Variants in DPP6 observed in about 807,000 individuals in gnomAD.
The protein encoded by DPP6 is A-type potassium channel modulatory protein DPP6.
A neutral mutation model predicts 122.6 loss-of-function variants in DPP6; 69 were observed. The ratio of observed to expected loss-of-function variants is 0.56; its 90% CI spans 0.46 to 0.69. The LOEUF (loss-of-function observed/expected upper bound fraction) is 0.69, where lower values mean the gene tolerates loss of function less well. Ranked by LOEUF, DPP6 falls within the 30% of genes least tolerant of loss-of-function variation. The pLI is 0.00. For missense variants in DPP6, 928 were observed against 1,116.9 expected, an observed-to-expected ratio of 0.83 and a Z score of 2.41; for synonymous variants, 418 against 433.1, an observed-to-expected ratio of 0.97 and a Z score of 0.43.
intron 10 of DPP6, among the ~76,000 whole-genome samples, chr7:154,785,136 G>C (rs1024840845): frequency 3.3e-5 from 5 of 152,072 alleles, no homozygotes; most frequent in Admixed American, 3.3e-4. Flanking sequence ...TATTGTTGTT[G>C]TTAAGTTTTA....
Position 154,403,478 on chromosome 7 carries a change from C to G in DPP6, c.244-42736C>G, listed in dbSNP as rs549537829. Among the ~76,000 whole-genome samples the G allele has an allele frequency of 2.0e-5, 3 of 152,162 alleles. No individual in the cohort carries two copies. The highest frequency in any genetic ancestry group is 7.2e-5 in the African/African-American group (3 of 41,438). Reference sequence around the variant, plus strand: ...GGGGGCAGCCATGCATGAAGACAGGCTGGGGGGCGCTAATGCAGCTTTCTC... The same window carrying G: ...GGGGGCAGCCATGCATGAAGACAGGGTGGGGGGCGCTAATGCAGCTTTCTC... On this transcript the variant is annotated intron_variant, in intron 1 of 25. Coordinates refer to ENST00000377770, the MANE Select transcript of DPP6 (RefSeq NM_130797.4). This position sits in a 1 kb window ranked among gnomAD's most constrained non-coding sequence, Gnocchi z 4.1.
chr7:154,079,132 C>T (rs1457579264), intron 1 of DPP6, among the ~76,000 whole-genome samples: 1 of 151,886 alleles, frequency 6.6e-6, no homozygotes, highest in Non-Finnish European at 1.5e-5. Context: ...TGGTGCATGC[C>T]CACAGTGAGC....
chr7:154,290,915 G>A (rs1284961906), intron 1 of DPP6, among the ~76,000 whole-genome samples: 2 of 152,114 alleles, frequency 1.3e-5, no homozygotes, highest in African/African-American at 2.4e-5. Flanking sequence ...CTTCCCCAGT[G>A]TCTAAATAGG....
intron 3 of DPP6, among the ~76,000 whole-genome samples, chr7:154,528,551 T>C (rs969722705): frequency 1.4e-4 from 21 of 152,212 alleles, no homozygotes; most frequent in Non-Finnish European, 2.9e-4. Context: ...ATTGGCTCAA[T>C]TCCTCATACA....
chr7:154,564,351 G>T (rs1830607189), intron 4 of DPP6, among the ~76,000 whole-genome samples: 1 of 152,144 alleles, frequency 6.6e-6, no homozygotes, highest in South Asian at 2.1e-4. Flanking sequence ...AACGTGGATA[G>T]TAAGGATCAA....
chr7:154,030,368 G>C (rs1234475421), intron 1 of DPP6, among the ~76,000 whole-genome samples: 2 of 152,178 alleles, frequency 1.3e-5, no homozygotes, highest in African/African-American at 4.8e-5. Flanking sequence ...GGCTTCTGTG[G>C]GGTGGTGAGG....
At chr7:153,753,675 T>C in the DPP6 span, among the ~76,000 whole-genome samples, 1,118 of 151,846 alleles carry the variant, frequency 7.4e-3, 9 homozygotes, top group African/African-American at 0.026. Flanking sequence ...TATTAGTCCA[T>C]GAACCTCAAC....
At chr7:154,786,406 T>C (rs950558191) in intron 10 of DPP6, among the ~76,000 whole-genome samples, 1 of 152,172 alleles carries the variant, frequency 6.6e-6, no homozygotes, top group Non-Finnish European at 1.5e-5. Flanking sequence ...GTTTCCATAA[T>C]CCCCAAGTGT....
At chr7:154,513,472 CAAG>C (rs1179738359) in intron 3 of DPP6, among the ~76,000 whole-genome samples, 2 of 152,150 alleles carry the variant, frequency 1.3e-5, no homozygotes, top group East Asian at 1.9e-4. Flanking sequence ...TTGAGACTAA[CAAG>C]AAGATTTTGG....
chr7:154,266,565 C>A (rs535652052), intron 1 of DPP6, among the ~76,000 whole-genome samples: 1 of 152,122 alleles, frequency 6.6e-6, no homozygotes, highest in African/African-American at 2.4e-5. Context: ...GGTGACAGAG[C>A]GAGATTCTGT....
chr7:153,899,332 C>A (rs370349128), intron 1 of DPP6, among the ~76,000 whole-genome samples: 1 of 152,242 alleles, frequency 6.6e-6, no homozygotes, highest in African/African-American at 2.4e-5. Flanking sequence ...GCTCCCAGGA[C>A]AGTTTGGTCG....
At chr7:154,389,201 T>C (rs1426443264) in intron 1 of DPP6, among the ~76,000 whole-genome samples, 1 of 152,150 alleles carries the variant, frequency 6.6e-6, no homozygotes, top group African/African-American at 2.4e-5. Flanking sequence ...CCAGAGCACC[T>C]GGGAGGAAAG....
At chr7:154,791,088 C>T (rs889058467) in intron 10 of DPP6, among the ~76,000 whole-genome samples, 3 of 151,964 alleles carry the variant, frequency 2.0e-5, no homozygotes, top group Admixed American at 2.0e-4. Flanking sequence ...CCCATCTCTA[C>T]TAAAAACACA....
At chr7:154,275,312 C>G (rs1400165657) in intron 1 of DPP6, among the ~76,000 whole-genome samples, 4 of 152,186 alleles carry the variant, frequency 2.6e-5, no homozygotes, top group Non-Finnish European at 5.9e-5. Context: ...TCTGTGTCCC[C>G]TCCCCATGGG....
chr7:153,888,214 C>A (rs1004746371), intron 1 of DPP6, among the ~76,000 whole-genome samples: 3 of 152,204 alleles, frequency 2.0e-5, no homozygotes, highest in African/African-American at 7.2e-5. Context: ...GCTCTCGGGG[C>A]AGGCGCCAGT....
intron 1 of DPP6, among the ~76,000 whole-genome samples, chr7:154,361,176 G>A (rs141705292): frequency 1.7e-3 from 253 of 152,354 alleles, no homozygotes; most frequent in Middle Eastern, 6.8e-3. Flanking sequence ...TGGCCTATGA[G>A]AAGATCTGAG....
intron 4 of DPP6, among the ~76,000 whole-genome samples, chr7:154,544,634 C>T (rs968584281): frequency 4.6e-5 from 7 of 152,208 alleles, no homozygotes; most frequent in Admixed American, 1.3e-4. Flanking sequence ...TTCAGGTCTA[C>T]CTTCCAGCCT....
intron 1 of DPP6, among the ~76,000 whole-genome samples, chr7:154,130,176 C>G (rs1217674538): frequency 2.6e-5 from 4 of 151,978 alleles, no homozygotes; most frequent in Non-Finnish European, 5.9e-5. Flanking sequence ...AGCTAGAAGA[C>G]AAAGAGGAAC....
intron 21 of DPP6, among the ~76,000 whole-genome samples, chr7:154,883,385 TG>T (rs530179154): frequency 1.3e-5 from 1 of 74,960 alleles, no homozygotes; most frequent in Non-Finnish European, 2.5e-5. Flanking sequence ...TACATACACC[TG>T]CTCACACACA....
Sources: gnomAD v4.1 joint callset for allele counts (sites outside exome capture counted in the v4.1 genomes callset) on GRCh38, gnomAD v4.1.1 for gene constraint, Gnocchi (gnomAD v3.1) non-coding constraint, MANE v1.5 for transcripts, NCBI Gene and HGNC (gene_info 2026-07-23, HGNC 2026-07-21) for gene names.